Variants in KIAA0586 observed in about 807,000 individuals in gnomAD.
KIAA0586 encodes the protein protein TALPID3.
A neutral mutation model predicts 169.8 loss-of-function variants in KIAA0586; 144 were observed. That is an observed-to-expected ratio of 0.85 (90% CI 0.74 to 0.97). The LOEUF is 0.97. Among genes scored for constraint, KIAA0586 ranks in the 50% least tolerant of loss-of-function variants. The pLI is 0.00. For missense variants in KIAA0586, 1,854 were observed against 1,823.0 expected, an observed-to-expected ratio of 1.02 and a Z score of -0.31; for synonymous variants, 625 against 612.4, an observed-to-expected ratio of 1.02 and a Z score of -0.30.
At chr14:58,495,809 A>G (rs1030325183) in intron 26 of KIAA0586, among the ~76,000 whole-genome samples, 1 of 152,148 alleles carries the variant, frequency 6.6e-6, no homozygotes, top group East Asian at 1.9e-4. Context: ...TACTAGGTAT[A>G]AAATCCTTTT....
downstream of KIAA0586, among the ~76,000 whole-genome samples, chr14:58,555,649 C>T (rs371875256): frequency 3.7e-4 from 56 of 152,076 alleles, no homozygotes; most frequent in African/African-American, 1.3e-3. Flanking sequence ...TACCATGGAG[C>T]TTAATTTGAT....
rs1160727634 is a variant in KIAA0586, at chr14:58,508,724, G to A, written c.4323+15G>A. 4 of 1,560,530 alleles carry A rather than the reference G, an allele frequency of 2.6e-6. No individual in the cohort carries two copies. The highest frequency in any genetic ancestry group is 3.5e-6 in the Non-Finnish European group (4 of 1,148,094). On this transcript the variant is annotated intron_variant, in intron 28 of 30. Transcript: ENST00000652326. ...ATTTTTCCCAGGTACCAAATTAATA[G>A]CACTTGTATTTTACTTAAAATGAGA...
Position 58,547,970 on chromosome 14 carries a change from G to GT in KIAA0586, c.*42dup, listed in dbSNP as rs2047087839. 5 of 1,600,428 alleles carry GT rather than the reference G, an allele frequency of 3.1e-6. No individual in the cohort carries two copies. The highest frequency in any genetic ancestry group is 4.3e-6 in the Non-Finnish European group (5 of 1,171,544). On this transcript the variant is annotated 3_prime_UTR_variant, in exon 31 of 31. Coordinates refer to ENST00000652326, the MANE Select transcript of KIAA0586 (RefSeq NM_001329943.3). ...AGCCAGCACAGTGTTTATGCCACTG[G>GT]TTTTAAAGTCATTTTACCTTGGCTT...
At chr14:58,474,405 CTGAT>C (rs2041451698) in intron 18 of KIAA0586, among the ~76,000 whole-genome samples, 198 bp from the exon 19 acceptor site, 1 of 152,154 alleles carries the variant, frequency 6.6e-6, no homozygotes, top group African/African-American at 2.4e-5. Flanking sequence ...AAAAGACAAA[CTGAT>C]TGTGTAATTA....
chr14:58,529,213 A>G (rs1353295623), intron 29 of KIAA0586, among the ~76,000 whole-genome samples: 1 of 152,200 alleles, frequency 6.6e-6, no homozygotes, highest in Admixed American at 6.5e-5. Context: ...GCAGTAATTA[A>G]TAGCCTACCA....
chr14:58,533,601 A>G (rs943473327), intron 29 of KIAA0586, among the ~76,000 whole-genome samples: 8 of 152,238 alleles, frequency 5.3e-5, no homozygotes, highest in Middle Eastern at 3.4e-3. Flanking sequence ...TTTGTATCAG[A>G]CTGTTTTCAC....
chr14:58,431,585 A>C (rs571669491), intron 3 of KIAA0586, among the ~76,000 whole-genome samples: 1 of 152,294 alleles, frequency 6.6e-6, no homozygotes, highest in African/African-American at 2.4e-5. Flanking sequence ...ATTTTAAAAT[A>C]GTTTTTTCTA....
At chr14:58,452,395 A>G (rs2039463566) in intron 8 of KIAA0586, among the ~76,000 whole-genome samples, 1 of 152,226 alleles carries the variant, frequency 6.6e-6, no homozygotes, top group Admixed American at 6.5e-5. Flanking sequence ...ATTTAAATGC[A>G]TGCAGGTCTT....
At chr14:58,525,650 A>T (rs2045533269) in intron 29 of KIAA0586, among the ~76,000 whole-genome samples, 1 of 152,216 alleles carries the variant, frequency 6.6e-6, no homozygotes, top group African/African-American at 2.4e-5. Flanking sequence ...GGCAGACACC[A>T]AGCTAGCTGC....
intron 29 of KIAA0586, chr14:58,521,717 G>T: frequency 1.2e-6 from 1 of 858,788 alleles, no homozygotes; most frequent in South Asian, 1.3e-5. Context: ...AGAAAACCTA[G>T]AAGAAAATTG....
At chr14:58,517,158 A>G (rs1225291097) in intron 29 of KIAA0586, among the ~76,000 whole-genome samples, 1 of 152,224 alleles carries the variant, frequency 6.6e-6, no homozygotes. Context: ...TCTGTTCTTC[A>G]AAAGACAGTG....
chr14:58,527,851 T>C (rs2139968215), intron 29 of KIAA0586, among the ~76,000 whole-genome samples: 1 of 152,278 alleles, frequency 6.6e-6, no homozygotes, highest in South Asian at 2.1e-4. Flanking sequence ...AATTCACACA[T>C]AACAATATTA....
At chr14:58,479,972 TG>T (rs1224061866) in intron 20 of KIAA0586, among the ~76,000 whole-genome samples, 1 of 152,190 alleles carries the variant, frequency 6.6e-6, no homozygotes, top group Non-Finnish European at 1.5e-5. Context: ...TTTCTAACTT[TG>T]TTCTTTTTTT....
chr14:58,461,461 G>T (rs551713483), intron 14 of KIAA0586, among the ~76,000 whole-genome samples: 2 of 151,406 alleles, frequency 1.3e-5, no homozygotes, highest in Non-Finnish European at 2.9e-5. Flanking sequence ...TTTAGACAAG[G>T]TCTCACCCTA....
rs372212501 is a variant in KIAA0586, at chr14:58,467,834, G to A, written c.2354G>A (p.Arg785Gln). ...TVTTSIPPSS[R>Q]KVETGVKKPN... ...ACTACTTCTATTCCTCCATCATCTC[G>A]AAAAGTAGAAACTGGAGTAAAGAAA... is the stretch of plus-strand genomic sequence containing the variant. The change falls in exon 16 of 31, where the codon CGA becomes CAA. Residue 785 changes from arginine to glutamine, a missense_variant. Transcript: ENST00000652326. The A allele has an allele frequency of 2.1e-5, 34 of 1,613,384 alleles. No homozygotes were observed. The East Asian group carries it at 4.5e-4, about 21-fold the overall frequency.
downstream of KIAA0586, among the ~76,000 whole-genome samples, chr14:58,556,060 T>C (rs888614292): frequency 1.8e-4 from 28 of 152,252 alleles, no homozygotes; most frequent in African/African-American, 6.5e-4. Context: ...TTAGTAGTTT[T>C]AGTGTCTTTA....
intron 9 of KIAA0586, among the ~76,000 whole-genome samples, chr14:58,455,968 C>G (rs990099204): frequency 3.5e-4 from 53 of 152,056 alleles, no homozygotes; most frequent in African/African-American, 1.3e-3. Context: ...ATTTGTTGAC[C>G]ACAATCTTGT....
downstream of KIAA0586, among the ~76,000 whole-genome samples, chr14:58,551,898 T>TA (rs1309660404): frequency 3.9e-5 from 6 of 152,298 alleles, no homozygotes; most frequent in African/African-American, 1.4e-4. Flanking sequence ...TCTGCGATGT[T>TA]ACTAAGAGAA....
At position 58,551,194 on chromosome 14, in the gene KIAA0586, T is replaced by C. The variant is rs59712595; in HGVS notation, c.*3262T>C. 1 of 60,512 alleles carries C rather than the reference T, an allele frequency of 1.7e-5. No homozygotes were observed. The highest frequency in any genetic ancestry group is 3.1e-5 in the Non-Finnish European group (1 of 32,704). 3.7% of individuals were successfully genotyped at this position (60,512 alleles called of 1,614,324 possible). ...ACAGAGTAAGACTCTGTCTCAAAAA[T>C]AAATAAATAAATAAATAAAATGTTC... On this transcript the variant is annotated 3_prime_UTR_variant, in exon 31 of 31. Coordinates refer to ENST00000652326, the MANE Select transcript of KIAA0586 (RefSeq NM_001329943.3).
Sources: allele counts gnomAD v4.1 joint callset (sites outside exome capture counted in the v4.1 genomes callset), GRCh38; gene constraint gnomAD v4.1.1; transcripts MANE v1.5; gene names NCBI Gene and HGNC (gene_info 2026-07-23, HGNC 2026-07-21).